Variants in CTNND2 observed in about 807,000 individuals in gnomAD.
CTNND2 encodes the protein catenin delta-2.
In CTNND2, 22 loss-of-function variants were observed where a neutral mutation model predicts 144.4. The observed-to-expected ratio is 0.15, with a 90% CI of 0.11 to 0.22. CTNND2 has a LOEUF of 0.22. Ranked by LOEUF, CTNND2 falls within the 10% of genes least tolerant of loss-of-function variation. CTNND2 has a pLI of 1.00. For missense variants in CTNND2, 1,353 were observed against 1,618.8 expected (o/e 0.84, Z 2.82); for synonymous variants, 751 against 695.6 (o/e 1.08, Z -1.25).
chr5:11,545,903 A>G (rs1254164087), intron 3 of CTNND2, among the ~76,000 whole-genome samples: 1 of 152,202 alleles, frequency 6.6e-6, no homozygotes, highest in Non-Finnish European at 1.5e-5. Flanking sequence ...TAATTTATCC[A>G]TACATACTTC....
chr5:11,188,306 A>G (rs1735864271), intron 11 of CTNND2, among the ~76,000 whole-genome samples: 1 of 152,212 alleles, frequency 6.6e-6, no homozygotes, highest in African/African-American at 2.4e-5. Flanking sequence ...CTTTGCAGAA[A>G]CATGGATGGA....
At chr5:11,253,565 G>T (rs1258023987) in intron 9 of CTNND2, among the ~76,000 whole-genome samples, 1 of 152,100 alleles carries the variant, frequency 6.6e-6, no homozygotes, top group Non-Finnish European at 1.5e-5. Flanking sequence ...ATGATTGTGA[G>T]GCCTCCCCAG....
chr5:11,558,018 C>A (rs1236048631), intron 3 of CTNND2, among the ~76,000 whole-genome samples: 1 of 152,124 alleles, frequency 6.6e-6, no homozygotes, highest in Non-Finnish European at 1.5e-5. Context: ...CCAAAAAAGA[C>A]AGAGGAATTA....
intron 3 of CTNND2, among the ~76,000 whole-genome samples, chr5:11,480,976 G>A (rs950269921): frequency 1.3e-5 from 2 of 152,056 alleles, no homozygotes; most frequent in Admixed American, 6.5e-5. Flanking sequence ...TACACTCATC[G>A]AAGCACATGA....
chr5:11,594,570 A>C lies in CTNND2; in HGVS notation c.175-29514T>G, dbSNP rs145858719. ...GGATTTTTACTTTTTACAAAATAAA[A>C]GTAGAACTAAAGTATAAAGGAATCA... is the stretch of plus-strand genomic sequence containing the variant. On this transcript the variant is annotated intron_variant, in intron 2 of 21. Transcript: ENST00000304623. Among the ~76,000 whole-genome samples the C allele has an allele frequency of 7.8e-3, 1,182 of 152,356 alleles. 27 individuals carry two copies. Among genetic ancestry groups the C allele is most frequent in the African/African-American group, 0.027 (1,128 of 41,580 alleles).
intron 14 of CTNND2, among the ~76,000 whole-genome samples, chr5:11,100,748 G>A (rs1236038148): frequency 2.6e-5 from 4 of 152,128 alleles, no homozygotes; most frequent in Non-Finnish European, 5.9e-5. Context: ...ATAAAAATGT[G>A]AAACTTCCAA....
chr5:11,233,278 A>C (rs1741246265), intron 10 of CTNND2, among the ~76,000 whole-genome samples: 1 of 152,120 alleles, frequency 6.6e-6, no homozygotes, highest in African/African-American at 2.4e-5. Context: ...TGCACATATA[A>C]GATCTGGTAT....
intron 7 of CTNND2, among the ~76,000 whole-genome samples, chr5:11,374,838 G>A (rs1757785395): frequency 7.4e-6 from 1 of 134,538 alleles, no homozygotes; most frequent in South Asian, 2.4e-4. Flanking sequence ...CCTGTGGGCT[G>A]AAGCTTCAGA....
intron 7 of CTNND2, among the ~76,000 whole-genome samples, chr5:11,372,479 T>C (rs1339687199): frequency 2.0e-5 from 3 of 152,184 alleles, no homozygotes; most frequent in Non-Finnish European, 2.9e-5. Flanking sequence ...TCTTCCTCTC[T>C]AGTGAAATGG....
intron 9 of CTNND2, among the ~76,000 whole-genome samples, chr5:11,316,011 C>T (rs923488054): frequency 6.6e-6 from 1 of 152,088 alleles, no homozygotes; most frequent in Non-Finnish European, 1.5e-5. Flanking sequence ...GAGCATTTAT[C>T]CTGTTAATTA....
chr5:11,011,452 A>G (rs1741069202), intron 18 of CTNND2, among the ~76,000 whole-genome samples: 1 of 152,038 alleles, frequency 6.6e-6, no homozygotes, highest in African/African-American at 2.4e-5. Context: ...CCTGACCTCA[A>G]GTGATCCGCC....
At chr5:11,162,410 A>G (rs1429214074) in intron 11 of CTNND2, among the ~76,000 whole-genome samples, 1 of 152,148 alleles carries the variant, frequency 6.6e-6, no homozygotes, top group Admixed American at 6.5e-5. Flanking sequence ...AGGCTGTTCT[A>G]TCTCCTTCAC....
chr5:11,138,068 G>A (rs1756334876), intron 12 of CTNND2, among the ~76,000 whole-genome samples: 1 of 152,186 alleles, frequency 6.6e-6, no homozygotes, highest in African/African-American at 2.4e-5. Flanking sequence ...AATTTAGTTT[G>A]TTATGGTTGT....
At chr5:11,165,880 A>G (rs1759273277) in intron 11 of CTNND2, among the ~76,000 whole-genome samples, 1 of 152,166 alleles carries the variant, frequency 6.6e-6, no homozygotes. Flanking sequence ...TCTTGGTTAA[A>G]AAAACCCCAG....
chr5:11,085,272 G>C (rs1280704820), intron 15 of CTNND2, among the ~76,000 whole-genome samples: 1 of 152,134 alleles, frequency 6.6e-6, no homozygotes, highest in Non-Finnish European at 1.5e-5. Context: ...TTTTCCCTAA[G>C]AAAGAAAGGA....
intron 9 of CTNND2, among the ~76,000 whole-genome samples, chr5:11,343,193 T>C (rs1190561853): frequency 1.3e-5 from 2 of 152,190 alleles, no homozygotes; most frequent in African/African-American, 4.8e-5. Flanking sequence ...ACCAATCCTT[T>C]TGTATCCTAT....
intron 16 of CTNND2, among the ~76,000 whole-genome samples, chr5:11,067,057 G>A (rs1456885765): frequency 6.6e-6 from 1 of 152,188 alleles, no homozygotes; most frequent in Non-Finnish European, 1.5e-5. Flanking sequence ...GGAAGGGACA[G>A]GGCCTGGGGA....
intron 10 of CTNND2, among the ~76,000 whole-genome samples, chr5:11,211,881 T>C (rs1738675725): frequency 6.6e-6 from 1 of 152,192 alleles, no homozygotes; most frequent in South Asian, 2.1e-4. Flanking sequence ...AAAGAATTTA[T>C]GATAGAAATG....
Position 11,439,790 on chromosome 5 carries a change from ATCTATCTATCT to A in CTNND2, c.288-27732_288-27722del, listed in dbSNP as rs1764104058. ...TATCTATCTATCTATCTATCTATCTATCTATCTATCTTATATATATGTGTGTATATATATGT... is the reference window on the plus strand; with the variant it reads ...TATCTATCTATCTATCTATCTATCTATATATATATGTGTGTATATATATGT... On this transcript the variant is annotated intron_variant, in intron 3 of 21. Transcript: ENST00000304623. 8.1e-5 allele frequency among the ~76,000 whole-genome samples: 10 copies of A among 123,654 alleles called. No individual in the cohort carries two copies. The South Asian group carries it at 2.9e-3, about 36-fold the overall frequency. The allele number at this position is 123,654 out of a possible 152,430, so 81.1% of individuals were successfully genotyped here. A position where few individuals can be genotyped will look rare whatever the true frequency, so the allele number is the denominator to read the frequency against.
Sources: allele counts gnomAD v4.1 joint callset (sites outside exome capture counted in the v4.1 genomes callset), GRCh38; gene constraint gnomAD v4.1.1; transcripts MANE v1.5; gene names NCBI Gene and HGNC (gene_info 2026-07-23, HGNC 2026-07-21).